The following TTC7A variants were observed in gnomAD, a reference collection of about 807,000 sequenced individuals.
The protein encoded by TTC7A is tetratricopeptide repeat protein 7A.
TTC7A carries 110 observed loss-of-function variants against 103.7 expected under a neutral mutation model. The ratio of observed to expected loss-of-function variants is 1.06; its 90% CI spans 0.91 to 1.24. The LOEUF is 1.24. Among genes scored for constraint, TTC7A ranks in the 50% most tolerant of loss-of-function variants. TTC7A has a pLI of 0.00. For missense variants in TTC7A, 1,340 were observed against 1,116.3 expected (o/e 1.20, Z -2.86); for synonymous variants, 521 against 467.9 (o/e 1.11, Z -1.47).
At chr2:47,024,785 C>T (rs140468457) in intron 14 of TTC7A, among the ~76,000 whole-genome samples, 81 of 152,276 alleles carry the variant, frequency 5.3e-4, no homozygotes, top group African/African-American at 1.9e-3. Context: ...GTGGACACCA[C>T]CATCAGGCCT....
chr2:47,032,469 C>T (rs1410318453), intron 15 of TTC7A, among the ~76,000 whole-genome samples: 2 of 152,198 alleles, frequency 1.3e-5, no homozygotes, highest in Admixed American at 6.5e-5. Flanking sequence ...AGAGCGACTG[C>T]AAGGGCTTCA....
At chr2:46,974,717 C>A in intron 3 of TTC7A, 1 of 580,212 alleles carries the variant, frequency 1.7e-6, no homozygotes, top group Non-Finnish European at 3.2e-6. Context: ...GAGGAGGGGT[C>A]AGGAGTGGCT....
rs188811145 is a variant in TTC7A, at chr2:46,965,759, C to T, written c.517+8752C>T. ...TGTATTTTCAGTAGAGATGGGGTTT[C>T]GCAATGTTAGCCAGGCTGTTCTTGA... On this transcript the variant is annotated intron_variant, in intron 3 of 19. Coordinates refer to ENST00000319190, the MANE Select transcript of TTC7A (RefSeq NM_020458.4). Among the ~76,000 whole-genome samples the T allele has an allele frequency of 5.6e-3, 850 of 152,012 alleles. 14 individuals are homozygous for T. Among genetic ancestry groups the T allele is most frequent in the African/African-American group, 0.019 (785 of 41,446 alleles).
At chr2:46,970,513 G>T (rs376042237) in intron 3 of TTC7A, among the ~76,000 whole-genome samples, 4 of 152,222 alleles carry the variant, frequency 2.6e-5, no homozygotes, top group African/African-American at 7.2e-5. Context: ...TGGACCCGGA[G>T]GTGTGGCAGG....
intron 15 of TTC7A, chr2:47,035,206 T>G (rs1026470104): frequency 2.0e-5 from 3 of 152,228 alleles, no homozygotes; most frequent in African/African-American, 7.2e-5. Flanking sequence ...TTGTTCTTAT[T>G]AAGGACTTGT....
intron 15 of TTC7A, 22 bp from the exon 16 acceptor site, chr2:47,046,293 T>C (rs779677979): frequency 1.9e-6 from 3 of 1,599,898 alleles, no homozygotes; most frequent in African/African-American, 2.7e-5. Context: ...GGTGTGCTGA[T>C]GGCCACTCTC....
At chr2:47,020,414 A>C (rs112258769) in intron 11 of TTC7A, among the ~76,000 whole-genome samples, 129 of 152,316 alleles carry the variant, frequency 8.5e-4, no homozygotes, top group Non-Finnish European at 1.4e-3. Context: ...AGCTGTAGAC[A>C]GCTGTGGGGT....
intron 4 of TTC7A, 120 bp downstream of exon 4, chr2:46,975,223 C>T (rs867023584): frequency 1.5e-6 from 2 of 1,309,806 alleles, no homozygotes; most frequent in Middle Eastern, 2.1e-4. Flanking sequence ...TCTCTGTCCC[C>T]CAAAGACACT....
intron 16 of TTC7A, among the ~76,000 whole-genome samples, chr2:47,048,810 C>T (rs973539538): frequency 1.3e-5 from 2 of 152,134 alleles, no homozygotes; most frequent in Admixed American, 6.5e-5. Flanking sequence ...ACTCTGTTAT[C>T]CAAGCTGTTG....
intron 11 of TTC7A, among the ~76,000 whole-genome samples, chr2:47,017,200 C>CAAAAA (rs70940652): frequency 2.8e-5 from 1 of 35,590 alleles, no homozygotes; most frequent in Non-Finnish European, 4.8e-5. Flanking sequence ...CACTCTGTCT[C>CAAAAA]AAAAAAAAAA....
chr2:46,944,282 A>AC, intron 1 of TTC7A, among the ~76,000 whole-genome samples: 1 of 152,218 alleles, frequency 6.6e-6, no homozygotes, highest in East Asian at 1.9e-4. Context: ...ATACGAACTC[A>AC]CGAAGTCTCG....
chr2:47,030,419 T>C (rs1680407199), intron 15 of TTC7A, among the ~76,000 whole-genome samples: 2 of 152,182 alleles, frequency 1.3e-5, no homozygotes, highest in South Asian at 2.1e-4. Context: ...GGTTCAGGTT[T>C]TCCTGCATCC....
In TTC7A at chr2:46,975,112, G is replaced by C; in HGVS notation, c.648+9G>C. 1 of 1,613,092 alleles carries C rather than the reference G, an allele frequency of 6.2e-7. No homozygotes were observed. Among genetic ancestry groups the C allele is most frequent in the South Asian group, 1.1e-5 (1 of 91,026 alleles). ...TGCAGGAATTGGAGAAGGTGAGCTG[G>C]AAATAACACCGTGGTAGGAGCTGCT... On this transcript the variant is annotated intron_variant, in intron 4 of 19. Coordinates refer to ENST00000319190, the MANE Select transcript of TTC7A (RefSeq NM_020458.4).
chr2:46,978,967 G>T (rs768725552), intron 5 of TTC7A, 60 bp downstream of exon 5: 1 of 1,263,558 alleles, frequency 7.9e-7, no homozygotes. Context: ...GGCTTTTGAC[G>T]TGGCCTTAAG....
Position 47,060,192 on chromosome 2 carries a change from C to T in TTC7A, c.2153-577C>T, listed in dbSNP as rs371229734. On this transcript the variant is annotated intron_variant, in intron 18 of 19. Coordinates refer to ENST00000319190, the MANE Select transcript of TTC7A (RefSeq NM_020458.4). ...CTTGAGGCCAGGAGTTCGAGACCAG[C>T]CTGAGCCCCTCTACCAAAAATACAA... 1.0e-3 allele frequency among the ~76,000 whole-genome samples: 153 copies of T among 151,898 alleles called. 2 individuals carry two copies. Among genetic ancestry groups the T allele is most frequent in the African/African-American group, 3.6e-3 (149 of 41,426 alleles).
At chr2:46,970,155 A>T (rs1016289410) in intron 3 of TTC7A, among the ~76,000 whole-genome samples, 1 of 151,990 alleles carries the variant, frequency 6.6e-6, no homozygotes, top group Non-Finnish European at 1.5e-5. Context: ...AAGCCCAGCT[A>T]ATTTTTTCTA....
chr2:46,954,361 C>G (rs562563824), intron 2 of TTC7A, among the ~76,000 whole-genome samples: 1 of 152,212 alleles, frequency 6.6e-6, no homozygotes, highest in South Asian at 2.1e-4. Flanking sequence ...CGTTCCCTGA[C>G]TGTTGTACTG....
Position 47,073,862 on chromosome 2 carries a change from C to A in TTC7A, c.2516C>A (p.Ala839Asp), listed in dbSNP as rs777933570. The change falls in exon 20 of 20, where the codon GCC becomes GAC. Residue 839 changes from alanine (A) to aspartate (D), a missense_variant. Coordinates refer to ENST00000319190, the MANE Select transcript of TTC7A (RefSeq NM_020458.4). The stretch of plus-strand genomic sequence containing the variant: ...GCTGCCGTTGACTGCTTCCTCACCG[C>A]CCTTGAGCTGGAGGCCAGCAGCCCT... The part of the protein sequence containing the change: ...NEAAVDCFLT[A>D]LELEASSPVL... 6.2e-7 allele frequency: 1 copy of A among 1,613,702 alleles called. No individual in the cohort carries two copies. The highest frequency in any genetic ancestry group is 1.1e-5 in the South Asian group (1 of 91,068).
At chr2:46,931,120 T>C (rs1023405670) in intron 2 of TTC7A, among the ~76,000 whole-genome samples, 1 of 152,230 alleles carries the variant, frequency 6.6e-6, no homozygotes. Flanking sequence ...CCCCCAAAGA[T>C]GTTTATGTCC....
Sources: gnomAD v4.1 joint callset for allele counts (sites outside exome capture counted in the v4.1 genomes callset) on GRCh38, gnomAD v4.1.1 for gene constraint, MANE v1.5 for transcripts, NCBI Gene and HGNC (gene_info 2026-07-23, HGNC 2026-07-21) for gene names.